The following GABRG3 variants were observed in gnomAD, a reference collection of about 807,000 sequenced individuals.
The protein encoded by GABRG3 is gamma-aminobutyric acid type A receptor subunit gamma3, also known as gamma-aminobutyric acid receptor subunit gamma-3.
In GABRG3, 25 loss-of-function variants were observed where a neutral mutation model predicts 48.8. The observed-to-expected ratio is 0.51, with a 90% CI of 0.37 to 0.72. The LOEUF is 0.72. GABRG3 is among the 30% of genes least tolerant of loss of function. The probability of loss-of-function intolerance (pLI) is 0.00; values close to 1 mark genes in which losing one functional copy is unlikely to be tolerated. For missense variants in GABRG3, 394 were observed against 577.9 expected, an observed-to-expected ratio of 0.68 and a Z score of 3.26; for synonymous variants, 227 against 217.6, an observed-to-expected ratio of 1.04 and a Z score of -0.38.
chr15:27,024,306 T>C (rs1895947646), intron 2 of GABRG3, among the ~76,000 whole-genome samples: 1 of 152,256 alleles, frequency 6.6e-6, no homozygotes, highest in South Asian at 2.1e-4. Flanking sequence ...TTTTAAATTT[T>C]GTTATAGTCA....
chr15:27,147,228 AATG>A (rs1328328794), intron 3 of GABRG3, among the ~76,000 whole-genome samples: 1 of 152,108 alleles, frequency 6.6e-6, no homozygotes, highest in African/African-American at 2.4e-5. Context: ...TAATGTATAT[AATG>A]ATAAATGAGT....
intron 5 of GABRG3, among the ~76,000 whole-genome samples, chr15:27,333,253 G>C (rs1158989796): frequency 6.6e-6 from 1 of 152,278 alleles, no homozygotes; most frequent in African/African-American, 2.4e-5. Flanking sequence ...TTAGTGGCTT[G>C]AAACAACATC....
At chr15:27,135,675 G>A (rs1897996107) in intron 3 of GABRG3, among the ~76,000 whole-genome samples, 1 of 152,138 alleles carries the variant, frequency 6.6e-6, no homozygotes, top group Non-Finnish European at 1.5e-5. Flanking sequence ...GGGAGCCCGA[G>A]GCAGGTGGGT....
At chr15:27,441,389 A>T (rs1040623785) in intron 5 of GABRG3, among the ~76,000 whole-genome samples, 1 of 152,342 alleles carries the variant, frequency 6.6e-6, no homozygotes, top group Admixed American at 6.5e-5. Flanking sequence ...TTTAGCCAGC[A>T]AAGCACAGAA....
Position 27,537,791 on chromosome 15 carries a change from G to A in GABRG3, c.*4910G>A, listed in dbSNP as rs182471856. Reference sequence around the variant, plus strand: ...CTAGTTGTATTAAGGCCAAAAGGCAGACTTTCTTTATATTTATTTTTATTA... The same window carrying A: ...CTAGTTGTATTAAGGCCAAAAGGCAAACTTTCTTTATATTTATTTTTATTA... On this transcript the variant is annotated 3_prime_UTR_variant, in exon 10 of 10. Transcript: ENST00000615808. 1.3e-5 allele frequency: 2 copies of A among 150,902 alleles called. No individual in the cohort carries two copies. The highest frequency in any genetic ancestry group is 3.9e-4 in the East Asian group (2 of 5,152). The allele number at this position is 150,902 out of a possible 1,614,324, so 9.3% of individuals were successfully genotyped here. A position where few individuals can be genotyped will look rare whatever the true frequency, so the allele number is the denominator to read the frequency against.
chr15:27,202,608 A>T (rs568971701), intron 3 of GABRG3, among the ~76,000 whole-genome samples: 2 of 152,288 alleles, frequency 1.3e-5, no homozygotes, highest in Admixed American at 1.3e-4. Flanking sequence ...TTCCAGTTTT[A>T]TCAGTGAAAA....
At chr15:27,307,578 CA>C in intron 3 of GABRG3, among the ~76,000 whole-genome samples, 1 of 9,286 alleles carries the variant, frequency 1.1e-4, no homozygotes, top group African/African-American at 3.9e-4. Flanking sequence ...TATATATAAA[CA>C]GGTTTATAGG....
intron 3 of GABRG3, among the ~76,000 whole-genome samples, chr15:27,046,018 G>A (rs1010949858): frequency 5.5e-4 from 84 of 152,328 alleles, no homozygotes; most frequent in Admixed American, 5.1e-3. Flanking sequence ...TCCGAGTTCC[G>A]AGGGAAGCGT....
rs147970014 is a variant in GABRG3, at chr15:27,150,603, A to G, written c.270+123782A>G. Among the ~76,000 whole-genome samples, 873 of 152,324 alleles carry G rather than the reference A, an allele frequency of 5.7e-3. 4 individuals carry two copies. The highest frequency in any genetic ancestry group is 0.011 in the Non-Finnish European group (735 of 68,024). ...ACTTCTATCAACTACGTTGATCCCAATGAAAATACAAAATGATTTCACTAC... is the reference window on the plus strand; with the variant it reads ...ACTTCTATCAACTACGTTGATCCCAGTGAAAATACAAAATGATTTCACTAC... On this transcript the variant is annotated intron_variant, in intron 3 of 9. Transcript: ENST00000615808.
chr15:27,279,618 C>T (rs1891368013), intron 3 of GABRG3, among the ~76,000 whole-genome samples: 1 of 152,124 alleles, frequency 6.6e-6, no homozygotes, highest in African/African-American at 2.4e-5. Flanking sequence ...TTTTATTGAT[C>T]GATGTTTCTC....
At chr15:27,013,377 T>C (rs951046194) in intron 2 of GABRG3, among the ~76,000 whole-genome samples, 5 of 152,160 alleles carry the variant, frequency 3.3e-5, no homozygotes, top group African/African-American at 1.2e-4. Flanking sequence ...TTAAGTTTAA[T>C]GTAGTCCATT....
At chr15:27,364,882 T>A (rs28505499) in intron 5 of GABRG3, 43,199 of 152,126 alleles carry the variant, frequency 0.28, 6,573 homozygotes, top group Middle Eastern at 0.38. Context: ...TTGCTACTTA[T>A]CTCAGATGTG....
At chr15:27,213,759 G>T (rs1326272925) in intron 3 of GABRG3, among the ~76,000 whole-genome samples, 1 of 152,214 alleles carries the variant, frequency 6.6e-6, no homozygotes, top group African/African-American at 2.4e-5. Context: ...GCACCTTTTG[G>T]AACTTTGTTT....
At chr15:27,484,351 C>T (rs761459328) in intron 6 of GABRG3, among the ~76,000 whole-genome samples, 83 of 152,090 alleles carry the variant, frequency 5.5e-4, no homozygotes, top group Non-Finnish European at 1.0e-3. Context: ...GGCTTACCGA[C>T]ACTGAGAATA....
chr15:27,527,682 A>T, intron 8 of GABRG3, 53 bp downstream of exon 8: 1 of 1,464,438 alleles, frequency 6.8e-7, no homozygotes, highest in Admixed American at 2.0e-5. Flanking sequence ...GCTGTTTGAG[A>T]TGAGTGTGTA....
chr15:27,108,265 CA>C (rs1320315042), intron 3 of GABRG3, among the ~76,000 whole-genome samples: 1 of 152,026 alleles, frequency 6.6e-6, no homozygotes, highest in East Asian at 1.9e-4. Context: ...TTAATTAGTT[CA>C]AATTATTTTA....
At chr15:27,374,322 T>G (rs1301389710) in intron 5 of GABRG3, among the ~76,000 whole-genome samples, 1 of 151,822 alleles carries the variant, frequency 6.6e-6, no homozygotes, top group Non-Finnish European at 1.5e-5. Context: ...TTGTAGCAAC[T>G]GTTTCACAGT....
intron 3 of GABRG3, among the ~76,000 whole-genome samples, chr15:27,186,822 T>G (rs1347212645): frequency 1.3e-5 from 2 of 152,168 alleles, no homozygotes; most frequent in African/African-American, 4.8e-5. Context: ...CTTTGCCCAT[T>G]TTTCAATGGG....
intron 3 of GABRG3, among the ~76,000 whole-genome samples, chr15:27,315,700 A>C (rs1194651338): frequency 6.6e-6 from 1 of 152,208 alleles, no homozygotes. Flanking sequence ...TTGCACTTTA[A>C]AATAATTTTG....
Sources: gnomAD v4.1 joint callset for allele counts (sites outside exome capture counted in the v4.1 genomes callset) on GRCh38, gnomAD v4.1.1 for gene constraint, MANE v1.5 for transcripts, NCBI Gene and HGNC (gene_info 2026-07-23, HGNC 2026-07-21) for gene names.